TOM1L1: variants seen among roughly 807,000 people sequenced by gnomAD.
The protein encoded by TOM1L1 is target of myb1 like 1 membrane trafficking protein.
In TOM1L1, 64 loss-of-function variants were observed where a neutral mutation model predicts 63.4. That is an observed-to-expected ratio of 1.01 (90% confidence interval 0.83 to 1.24). The LOEUF is 1.24. Ranked by LOEUF, TOM1L1 falls within the 50% of genes most tolerant of loss-of-function variation. The pLI is 0.00. For synonymous variants in TOM1L1, 166 were observed against 194.4 expected (o/e 0.85, Z 1.22); for missense variants, 536 against 567.0 (o/e 0.95, Z 0.55).
At chr17:54,942,787 GT>G (rs2049052721) in intron 11 of TOM1L1, among the ~76,000 whole-genome samples, 1 of 152,122 alleles carries the variant, frequency 6.6e-6, no homozygotes, top group African/African-American at 2.4e-5. Flanking sequence ...ATACAGAATA[GT>G]TCCGTCACTC....
At position 54,939,060 on chromosome 17, in the gene TOM1L1, A is replaced by G. The variant is rs544938903; in HGVS notation, c.1130+40A>G. Reference sequence around the variant, plus strand: ...AACACTGCAGAACTAATATCATGACATTTAGATTCCTTACAATTAAGAAAA... The same window carrying G: ...AACACTGCAGAACTAATATCATGACGTTTAGATTCCTTACAATTAAGAAAA... On this transcript the variant is annotated intron_variant, in intron 11 of 15. Coordinates refer to ENST00000575882, the MANE Select transcript of TOM1L1 (RefSeq NM_005486.3). 17 of 1,316,526 alleles carry G rather than the reference A, an allele frequency of 1.3e-5. No individual in the cohort carries two copies. In the African/African-American group the frequency reaches 2.4e-4, roughly 18 times the overall value. The allele number at this position is 1,316,526 out of a possible 1,614,324, so 81.6% of individuals were successfully genotyped here.
chr17:54,910,707 G>C (rs1222397674), intron 3 of TOM1L1, among the ~76,000 whole-genome samples: 1 of 152,206 alleles, frequency 6.6e-6, no homozygotes, highest in Non-Finnish European at 1.5e-5. Flanking sequence ...AAACTGTACA[G>C]ATTCATCTTA....
intron 12 of TOM1L1, among the ~76,000 whole-genome samples, chr17:54,947,573 C>T (rs562330575): frequency 7.2e-5 from 11 of 152,306 alleles, no homozygotes; most frequent in African/African-American, 2.6e-4. Flanking sequence ...CTGGTGACTT[C>T]TGTATTGTGA....
intron 8 of TOM1L1, among the ~76,000 whole-genome samples, chr17:54,935,886 G>C (rs1446727580): frequency 6.6e-6 from 1 of 152,144 alleles, no homozygotes; most frequent in African/African-American, 2.4e-5. Flanking sequence ...ACTTTGGGAG[G>C]CCGAGGTGGG....
chr17:54,943,469 T>TGTGG, intron 11 of TOM1L1, among the ~76,000 whole-genome samples: 1 of 151,320 alleles, frequency 6.6e-6, no homozygotes, highest in African/African-American at 2.4e-5. Context: ...TGTGTGTGTG[T>TGTGG]GTGTGTGTGT....
intron 7 of TOM1L1, among the ~76,000 whole-genome samples, chr17:54,924,429 G>A (rs1234849934): frequency 2.0e-5 from 3 of 151,784 alleles, no homozygotes; most frequent in South Asian, 4.2e-4. Context: ...ACAGGTGCCC[G>A]CCACCATGCC....
chr17:54,902,049 A>G (rs1238438955), intron 1 of TOM1L1, among the ~76,000 whole-genome samples: 1 of 152,196 alleles, frequency 6.6e-6, no homozygotes, highest in Non-Finnish European at 1.5e-5. Flanking sequence ...GACCTGGATC[A>G]GGCACTGGTG....
At chr17:54,947,359 ATT>A (rs2049137866) in intron 12 of TOM1L1, 47 bp downstream of exon 12, 2 of 1,581,890 alleles carry the variant, frequency 1.3e-6, no homozygotes, top group Non-Finnish European at 1.7e-6. Context: ...TCAGCAGATT[ATT>A]GTAGCCAGAA....
chr17:54,901,089 T>C (rs538748502), intron 1 of TOM1L1, 166 bp downstream of exon 1: 3 of 912,012 alleles, frequency 3.3e-6, no homozygotes, highest in Admixed American at 4.6e-5. Context: ...CGGCCCCCTT[T>C]CGTCGTTTCC....
At chr17:54,943,749 C>T (rs182548213) in intron 11 of TOM1L1, among the ~76,000 whole-genome samples, 321 of 151,718 alleles carry the variant, frequency 2.1e-3, no homozygotes, top group African/African-American at 7.3e-3. Flanking sequence ...GAGGCTGAGG[C>T]GGGCAGATCA....
chr17:54,908,905 G>A (rs1285106347), intron 3 of TOM1L1, among the ~76,000 whole-genome samples: 1 of 152,152 alleles, frequency 6.6e-6, no homozygotes, highest in Non-Finnish European at 1.5e-5. Context: ...GTAAAATGTG[G>A]TTGAAAATAA....
intron 14 of TOM1L1, among the ~76,000 whole-genome samples, chr17:54,956,282 CTA>C (rs2144043677): frequency 6.6e-6 from 1 of 152,108 alleles, no homozygotes; most frequent in South Asian, 2.1e-4. Flanking sequence ...GTAGCTGAGA[CTA>C]TTGGGGTGTG....
chr17:54,933,252 GT>G (rs2048893154), intron 8 of TOM1L1, among the ~76,000 whole-genome samples: 1 of 152,100 alleles, frequency 6.6e-6, no homozygotes, highest in Admixed American at 6.6e-5. Context: ...ACCATGTCTA[GT>G]TCAGGCCTGA....
intron 2 of TOM1L1, among the ~76,000 whole-genome samples, chr17:54,904,255 AG>A (rs764528469): frequency 2.6e-5 from 4 of 151,934 alleles, no homozygotes; most frequent in Non-Finnish European, 5.9e-5. Context: ...CTGTAGTACC[AG>A]CTACTTGGGA....
chr17:54,923,473 T>C (rs886127792), intron 7 of TOM1L1, among the ~76,000 whole-genome samples: 2 of 151,900 alleles, frequency 1.3e-5, no homozygotes, highest in African/African-American at 4.8e-5. Context: ...TTTTGATTTG[T>C]ATTTGCATTT....
intron 11 of TOM1L1, among the ~76,000 whole-genome samples, chr17:54,940,461 A>G (rs2049017417): frequency 6.6e-6 from 1 of 152,198 alleles, no homozygotes; most frequent in African/African-American, 2.4e-5. Flanking sequence ...ATTTCTTTGA[A>G]TCTGCAATCT....
chr17:54,958,241 C>T (rs12951898), intron 14 of TOM1L1: 76,504 of 152,012 alleles, frequency 0.5, 19,860 homozygotes, highest in Non-Finnish European at 0.56. Flanking sequence ...AGAACAGTGC[C>T]AGGGGCAGAC....
intron 11 of TOM1L1, among the ~76,000 whole-genome samples, chr17:54,939,454 G>A (rs1006230851): frequency 1.3e-5 from 2 of 152,134 alleles, no homozygotes; most frequent in Admixed American, 1.3e-4. Context: ...GAGCAATGAG[G>A]TTCAAAATTA....
chr17:54,956,211 C>T (rs946122272), intron 14 of TOM1L1, among the ~76,000 whole-genome samples: 2 of 152,122 alleles, frequency 1.3e-5, no homozygotes, highest in Admixed American at 6.6e-5. Context: ...GTGGCATGAT[C>T]ACGGCTTACT....
Sources: gnomAD v4.1 joint callset for allele counts (sites outside exome capture counted in the v4.1 genomes callset) on GRCh38, gnomAD v4.1.1 for gene constraint, MANE v1.5 for transcripts, NCBI Gene and HGNC (gene_info 2026-07-23, HGNC 2026-07-21) for gene names.